Variants in TENM2 observed in about 807,000 individuals in gnomAD.
The protein encoded by TENM2 is teneurin transmembrane protein 2.
TENM2 carries 52 observed loss-of-function variants against 245.2 expected under a neutral mutation model. That is an observed-to-expected ratio of 0.21 (90% CI 0.17 to 0.27). TENM2 has a LOEUF of 0.27. TENM2 is among the 10% of genes least tolerant of loss of function. The pLI is 1.00. For synonymous variants in TENM2, 1,363 were observed against 1,438.9 expected (o/e 0.95, Z 1.19); for missense variants, 3,046 against 3,666.8 (o/e 0.83, Z 4.37).
chr5:167,353,513 T>G (rs1349473060), intron 1 of TENM2, among the ~76,000 whole-genome samples: 67 of 123,194 alleles, frequency 5.4e-4, no homozygotes, highest in African/African-American at 1.9e-3. Context: ...TTTTTTTTTT[T>G]TTTTTTTTTT....
intron 2 of TENM2, among the ~76,000 whole-genome samples, chr5:167,770,480 T>C (rs1381099173): frequency 6.6e-6 from 1 of 152,134 alleles, no homozygotes; most frequent in Non-Finnish European, 1.5e-5. Flanking sequence ...CCAACCTTAG[T>C]GCAATAATAG....
chr5:167,036,773 CT>C, the TENM2 span, among the ~76,000 whole-genome samples: 2 of 152,184 alleles, frequency 1.3e-5, no homozygotes, highest in South Asian at 2.1e-4. Context: ...GTTGAATTTG[CT>C]TTTAGCTGTC....
At chr5:167,252,868 C>G in the TENM2 span, among the ~76,000 whole-genome samples, 16 of 152,170 alleles carry the variant, frequency 1.1e-4, no homozygotes, top group South Asian at 3.3e-3. Context: ...TTCAGTTTTT[C>G]CAAAATATCA....
chr5:167,581,362 TAGAA>T (rs1206115731), intron 2 of TENM2, among the ~76,000 whole-genome samples: 3 of 152,234 alleles, frequency 2.0e-5, no homozygotes, highest in African/African-American at 4.8e-5. Context: ...CTGAGTCTGT[TAGAA>T]AGAAACATAC....
At chr5:168,222,373 A>C (rs1053502501) in intron 23 of TENM2, among the ~76,000 whole-genome samples, 1 of 152,242 alleles carries the variant, frequency 6.6e-6, no homozygotes, top group African/African-American at 2.4e-5. Context: ...GAAATGATAA[A>C]GAGCCTCTTT....
chr5:167,701,078 C>T (rs1022217591), intron 2 of TENM2, among the ~76,000 whole-genome samples: 6 of 151,142 alleles, frequency 4.0e-5, no homozygotes, highest in Admixed American at 3.3e-4. Context: ...TGTTAATATG[C>T]TACAACTGCC....
chr5:167,195,157 A>G, the TENM2 span, among the ~76,000 whole-genome samples: 3 of 152,066 alleles, frequency 2.0e-5, no homozygotes, highest in Non-Finnish European at 4.4e-5. Context: ...ACCAGAAAAG[A>G]GCTCGGTATT....
At chr5:167,504,687 T>C (rs1242077738) in intron 2 of TENM2, among the ~76,000 whole-genome samples, 1 of 152,334 alleles carries the variant, frequency 6.6e-6, no homozygotes, top group East Asian at 1.9e-4. Context: ...AACTTTGTTA[T>C]GTCCCTCGAC....
intron 2 of TENM2, among the ~76,000 whole-genome samples, chr5:167,530,818 A>T (rs1324648529): frequency 6.6e-6 from 1 of 152,132 alleles, no homozygotes; most frequent in Non-Finnish European, 1.5e-5. Flanking sequence ...TTTCCCTCAA[A>T]TGTGAGCCCT....
chr5:167,793,322 G>A (rs569422532), intron 2 of TENM2, among the ~76,000 whole-genome samples: 1 of 152,016 alleles, frequency 6.6e-6, no homozygotes, highest in Admixed American at 6.6e-5. Flanking sequence ...TAGCTTCATG[G>A]GATGGAAGAA....
At chr5:167,891,441 C>T (rs1774749138) in intron 3 of TENM2, among the ~76,000 whole-genome samples, 1 of 152,072 alleles carries the variant, frequency 6.6e-6, no homozygotes, top group South Asian at 2.1e-4. Flanking sequence ...CCTAGCTGGA[C>T]TTCTTAACAA....
At chr5:167,680,923 T>C (rs1756664420) in intron 2 of TENM2, among the ~76,000 whole-genome samples, 2 of 115,446 alleles carry the variant, frequency 1.7e-5, no homozygotes, top group Admixed American at 1.8e-4. Context: ...TGCTGTGTCA[T>C]AAACTTGAAT....
exon 25 of TENM2, chr5:168,228,079 A>T: frequency 1.2e-6 from 2 of 1,613,886 alleles, no homozygotes; most frequent in East Asian, 4.5e-5. Flanking sequence ...AGTGGCGCCT[A>T]AGAAAGGAAC....
At chr5:167,103,907 C>T in the TENM2 span, among the ~76,000 whole-genome samples, 3 of 152,144 alleles carry the variant, frequency 2.0e-5, no homozygotes, top group East Asian at 5.8e-4. Context: ...CATGCGCACA[C>T]ACACACACTT....
At position 167,972,233 on chromosome 5, in the gene TENM2, T is replaced by C. The variant is rs546458108; in HGVS notation, c.947+19411T>C. On this transcript the variant is annotated intron_variant, in intron 4 of 28. Coordinates refer to ENST00000518659, the Ensembl canonical transcript of TENM2. ...TTTCCATTTTCAAGGAAATTTCATT[T>C]GAAGGTTGATTATTTTAGGCTTTCA... Among the ~76,000 whole-genome samples the C allele has an allele frequency of 4.6e-5, 7 of 152,354 alleles. No homozygotes were observed. In the East Asian group the frequency reaches 1.2e-3, roughly 25 times the overall value.
intron 1 of TENM2, among the ~76,000 whole-genome samples, chr5:167,352,366 C>T (rs139099260): frequency 4.4e-4 from 67 of 152,220 alleles, no homozygotes; most frequent in Admixed American, 1.1e-3. Context: ...TGAAAAATTG[C>T]GTGACCTTGT....
intron 5 of TENM2, among the ~76,000 whole-genome samples, chr5:168,034,114 T>TGTAC (rs1483898089): frequency 1.4e-3 from 168 of 119,524 alleles, no homozygotes; most frequent in African/African-American, 6.5e-3. Flanking sequence ...TGTATACATA[T>TGTAC]ATATGTGTAT....
intron 2 of TENM2, among the ~76,000 whole-genome samples, chr5:167,549,748 GTTT>G (rs988346229): frequency 2.0e-5 from 3 of 151,590 alleles, no homozygotes; most frequent in Non-Finnish European, 2.9e-5. Context: ...TGTGTTAGCT[GTTT>G]TTTGTTTTTT....
At chr5:167,155,504 C>A in the TENM2 span, among the ~76,000 whole-genome samples, 1 of 152,142 alleles carries the variant, frequency 6.6e-6, no homozygotes, top group South Asian at 2.1e-4. Context: ...AGCAGGGATC[C>A]TGTAGAGCAT....
Sources: gnomAD v4.1 joint callset for allele counts (sites outside exome capture counted in the v4.1 genomes callset) on GRCh38, gnomAD v4.1.1 for gene constraint, MANE v1.5 for transcripts, NCBI Gene and HGNC (gene_info 2026-07-23, HGNC 2026-07-21) for gene names.